Variants in SLC30A8 observed in about 807,000 individuals in gnomAD.
The protein encoded by SLC30A8 is proton-coupled zinc antiporter SLC30A8.
In SLC30A8, 27 loss-of-function variants were observed where a neutral mutation model predicts 36.9. That is an observed-to-expected ratio of 0.73 (90% CI 0.54 to 1.01). The LOEUF is 1.01. Among genes scored for constraint, SLC30A8 ranks in the 50% least tolerant of loss-of-function variants. The pLI is 0.00. For synonymous variants in SLC30A8, 164 were observed against 172.4 expected, an observed-to-expected ratio of 0.95 and a Z score of 0.38; for missense variants, 439 against 452.0, an observed-to-expected ratio of 0.97 and a Z score of 0.26.
chr8:117,088,218 C>A (rs922116110), intron 2 of SLC30A8, among the ~76,000 whole-genome samples: 18 of 152,108 alleles, frequency 1.2e-4, no homozygotes, highest in African/African-American at 3.9e-4. Context: ...GCCATGAAGA[C>A]CCCCTGACCC....
chr8:117,038,188 C>T (rs1817275239), intron 1 of SLC30A8, among the ~76,000 whole-genome samples: 1 of 152,166 alleles, frequency 6.6e-6, no homozygotes, highest in Admixed American at 6.5e-5. Context: ...GCAAATGATA[C>T]AAGAAAGTTT....
In SLC30A8 at chr8:117,109,468, G is replaced by A. The variant is rs140987401; in HGVS notation, c.-225-25812G>A. ...TTCTAGCCCTTGAGAAAATCTTCCC[G>A]GACATCCATCACATCTCTGAGGTCA... is the stretch of plus-strand genomic sequence containing the variant. On this transcript the variant is annotated intron_variant, in intron 2 of 10. Transcript: ENST00000427715. Among the ~76,000 whole-genome samples, 136 of 152,132 alleles carry A rather than the reference G, an allele frequency of 8.9e-4. 4 individuals are homozygous for A. In the East Asian group the frequency reaches 0.023, roughly 26 times the overall value.
intron 2 of SLC30A8, among the ~76,000 whole-genome samples, chr8:117,078,279 A>G (rs1818552374): frequency 6.6e-6 from 1 of 152,200 alleles, no homozygotes; most frequent in Non-Finnish European, 1.5e-5. Context: ...ATTCCATGAA[A>G]TGAAGTAATG....
At chr8:117,144,007 T>C (rs180872959) in intron 1 of SLC30A8, among the ~76,000 whole-genome samples, 3 of 152,202 alleles carry the variant, frequency 2.0e-5, no homozygotes, top group African/African-American at 7.2e-5. Context: ...ATAAGATTCA[T>C]GAGAAACATA....
At chr8:117,015,000 C>CTA (rs1816467907) in intron 1 of SLC30A8, among the ~76,000 whole-genome samples, 1 of 138,198 alleles carries the variant, frequency 7.2e-6, no homozygotes, top group Non-Finnish European at 1.5e-5. Flanking sequence ...AACTATATAT[C>CTA]TATATATATT....
At chr8:117,054,733 TTGCA>T (rs1355308934) in intron 2 of SLC30A8, among the ~76,000 whole-genome samples, 3 of 151,172 alleles carry the variant, frequency 2.0e-5, no homozygotes. Flanking sequence ...TGATAAAGGG[TTGCA>T]GAGGATAAGG....
chr8:117,165,562 C>T (rs912289394), intron 6 of SLC30A8, among the ~76,000 whole-genome samples: 10 of 152,112 alleles, frequency 6.6e-5, no homozygotes, highest in African/African-American at 2.2e-4. Context: ...ACTACTGACT[C>T]CCATTGACAT....
intron 6 of SLC30A8, among the ~76,000 whole-genome samples, chr8:117,168,267 C>T (rs1823165795): frequency 6.6e-6 from 1 of 151,752 alleles, no homozygotes; most frequent in Admixed American, 6.6e-5. Context: ...TTCCCCTCAA[C>T]AGCATATGAA....
At chr8:117,020,671 A>ATCG (rs1816668159) in intron 1 of SLC30A8, among the ~76,000 whole-genome samples, 1 of 21,156 alleles carries the variant, frequency 4.7e-5, no homozygotes, top group Admixed American at 2.9e-4. Context: ...AAAATTGGAT[A>ATCG]TACAGCTATT....
intron 2 of SLC30A8, among the ~76,000 whole-genome samples, chr8:117,048,622 A>G (rs370571480): frequency 9.5e-4 from 145 of 152,106 alleles, no homozygotes; most frequent in African/African-American, 3.3e-3. Context: ...TATTTTTCCT[A>G]ATTTTCTTTC....
At chr8:117,164,892 A>G (rs1822983148) in intron 6 of SLC30A8, among the ~76,000 whole-genome samples, 1 of 152,184 alleles carries the variant, frequency 6.6e-6, no homozygotes, top group Admixed American at 6.5e-5. Flanking sequence ...CCAACTGTCC[A>G]GGAATAGATC....
intron 1 of SLC30A8, among the ~76,000 whole-genome samples, chr8:117,003,826 G>A (rs549901188): frequency 6.6e-6 from 1 of 152,182 alleles, no homozygotes; most frequent in Non-Finnish European, 1.5e-5. Flanking sequence ...AATTAATGCT[G>A]TTTGTCATAT....
intron 2 of SLC30A8, among the ~76,000 whole-genome samples, chr8:117,070,061 T>C (rs944445939): frequency 5.3e-5 from 8 of 152,254 alleles, no homozygotes; most frequent in Non-Finnish European, 1.0e-4. Flanking sequence ...TGATCTATAG[T>C]TTCCTACATT....
At chr8:117,172,059 G>A (rs1408656665) in intron 7 of SLC30A8, among the ~76,000 whole-genome samples, 1 of 152,008 alleles carries the variant, frequency 6.6e-6, no homozygotes, top group East Asian at 1.9e-4. Context: ...GATAGCATTT[G>A]GGACAGGAAA....
At chr8:117,009,020 T>C (rs1187817791) in intron 1 of SLC30A8, among the ~76,000 whole-genome samples, 3 of 152,232 alleles carry the variant, frequency 2.0e-5, no homozygotes, top group Admixed American at 6.5e-5. Context: ...TCAAATGAGA[T>C]GATGTTTGTA....
chr8:116,953,215 A>C (rs762356539), intron 1 of SLC30A8, among the ~76,000 whole-genome samples: 1 of 152,216 alleles, frequency 6.6e-6, no homozygotes, highest in South Asian at 2.1e-4. Flanking sequence ...GTTCTTTTTT[A>C]TGGCTACATA....
At position 117,173,112 on chromosome 8, in the gene SLC30A8, C is replaced by T. The variant is rs574095210; in HGVS notation, c.*431C>T. 4 of 165,400 alleles carry T rather than the reference C, an allele frequency of 2.4e-5. No individual in the cohort carries two copies. The South Asian group carries it at 6.8e-4, about 28-fold the overall frequency. The allele number at this position is 165,400 out of a possible 1,614,324, so 10.2% of individuals were successfully genotyped here. A position where few individuals can be genotyped will look rare whatever the true frequency, so the allele number is the denominator to read the frequency against. On this transcript the variant is annotated 3_prime_UTR_variant, in exon 8 of 8. Coordinates refer to ENST00000456015, the MANE Select transcript of SLC30A8 (RefSeq NM_173851.3). ...ATTAGAAACAAAAAATAAGGAGAGCCAAGTCAGGAATAAAAGTGACTCTGT... is the reference window on the plus strand; with the variant it reads ...ATTAGAAACAAAAAATAAGGAGAGCTAAGTCAGGAATAAAAGTGACTCTGT...
chr8:116,970,908 AAC>A (rs1349752097), intron 1 of SLC30A8, among the ~76,000 whole-genome samples: 2 of 152,212 alleles, frequency 1.3e-5, no homozygotes, highest in African/African-American at 4.8e-5. Flanking sequence ...CAGCCTGGCC[AAC>A]ATGGCGAAAC....
intron 1 of SLC30A8, among the ~76,000 whole-genome samples, chr8:116,990,379 C>G (rs760137045): frequency 6.6e-6 from 1 of 152,072 alleles, no homozygotes; most frequent in Non-Finnish European, 1.5e-5. Flanking sequence ...GTTATCCTCC[C>G]CAGTGATGAT....
Sources: allele counts gnomAD v4.1 joint callset (sites outside exome capture counted in the v4.1 genomes callset), GRCh38; gene constraint gnomAD v4.1.1; transcripts MANE v1.5; gene names NCBI Gene and HGNC (gene_info 2026-07-23, HGNC 2026-07-21).